Variants in SEPTIN10 observed in about 807,000 individuals in gnomAD.
The protein encoded by SEPTIN10 is septin-10.
SEPTIN10 carries 66 observed loss-of-function variants against 54.8 expected under a neutral mutation model. That is an observed-to-expected ratio of 1.21 (90% confidence interval 0.99 to 1.48). The LOEUF (loss-of-function observed/expected upper bound fraction) is 1.48, where lower values mean the gene tolerates loss of function less well. Among genes scored for constraint, SEPTIN10 ranks in the 40% most tolerant of loss-of-function variants. The pLI is 0.00. For synonymous variants in SEPTIN10, 161 were observed against 181.0 expected (o/e 0.89, Z 0.89); for missense variants, 620 against 545.6 (o/e 1.14, Z -1.36).
intron 10 of SEPTIN10, chr2:109,545,302 G>A: frequency 2.1e-6 from 3 of 1,442,794 alleles, no homozygotes; most frequent in Non-Finnish European, 1.8e-6. Flanking sequence ...ATAAAACAAG[G>A]GACACAAAGT....
chr2:109,611,981 A>T (rs1204845851), intron 1 of SEPTIN10, among the ~76,000 whole-genome samples: 1 of 152,186 alleles, frequency 6.6e-6, no homozygotes, highest in African/African-American at 2.4e-5. Flanking sequence ...ATTCCTGGGC[A>T]TCTATCCCAA....
At chr2:109,581,393 C>T (rs1176477372) in intron 4 of SEPTIN10, among the ~76,000 whole-genome samples, 1 of 151,610 alleles carries the variant, frequency 6.6e-6, no homozygotes, top group Non-Finnish European at 1.5e-5. Flanking sequence ...GCCGAGATTG[C>T]GCCACTGCAC....
At chr2:109,577,547 G>A (rs1187841556) in intron 4 of SEPTIN10, among the ~76,000 whole-genome samples, 19 of 151,088 alleles carry the variant, frequency 1.3e-4, no homozygotes, top group African/African-American at 3.9e-4. Context: ...AGCCGAGATC[G>A]CGCCATTGCA....
intron 2 of SEPTIN10, among the ~76,000 whole-genome samples, chr2:109,592,704 C>T (rs1332151943): frequency 2.7e-5 from 4 of 150,706 alleles, no homozygotes; most frequent in Non-Finnish European, 5.9e-5. Flanking sequence ...CGCTTGAACC[C>T]GGGAGGCAGA....
In SEPTIN10 at chr2:109,553,152, TTTC is replaced by T; in HGVS notation, c.1093_1095del (p.Glu365del). The T allele has an allele frequency of 1.9e-6, 3 of 1,614,162 alleles. No homozygotes were observed. The highest frequency in any genetic ancestry group is 2.5e-6 in the Non-Finnish European group (3 of 1,180,048). On this transcript the variant is annotated inframe_deletion, in exon 9 of 11. Transcript: ENST00000397712. ...ACTCGCTGCACAAACATCTGTTTCATTTCTTCTTCCTTCCTCTGACGTTCACCA... is the reference window on the plus strand; with the variant it reads ...ACTCGCTGCACAAACATCTGTTTCATTTCTTCCTTCCTCTGACGTTCACCA...
intron 5 of SEPTIN10, among the ~76,000 whole-genome samples, chr2:109,572,449 A>G (rs1362993471): frequency 1.3e-5 from 2 of 151,284 alleles, no homozygotes; most frequent in Non-Finnish European, 2.9e-5. Context: ...CCTATTTTAT[A>G]TATGAAAAAT....
At chr2:109,545,982 G>C (rs958451503) in intron 10 of SEPTIN10, 68 bp downstream of exon 10, 23 of 1,508,888 alleles carry the variant, frequency 1.5e-5, no homozygotes, top group Middle Eastern at 5.0e-4. Flanking sequence ...AGAAGCGCTA[G>C]GAAGATCCGA....
chr2:109,584,662 T>C (rs1196554946), intron 4 of SEPTIN10, among the ~76,000 whole-genome samples: 2 of 152,094 alleles, frequency 1.3e-5, no homozygotes, highest in Non-Finnish European at 2.9e-5. Context: ...AAAATATAAA[T>C]TAAAATTTCA....
intron 8 of SEPTIN10, among the ~76,000 whole-genome samples, chr2:109,560,151 A>C (rs1033275598): frequency 3.3e-5 from 5 of 151,894 alleles, no homozygotes; most frequent in Non-Finnish European, 7.4e-5. Flanking sequence ...TGATCTCCTG[A>C]CCTCGTGATC....
chr2:109,560,749 C>T (rs79102913), intron 8 of SEPTIN10, among the ~76,000 whole-genome samples: 3,954 of 152,256 alleles, frequency 0.026, 65 homozygotes, highest in South Asian at 0.075. Context: ...TTCAGCCATA[C>T]CTATCTAGAT....
chr2:109,584,717 T>G (rs1351699470), intron 4 of SEPTIN10, among the ~76,000 whole-genome samples: 1 of 152,168 alleles, frequency 6.6e-6, no homozygotes, highest in Non-Finnish European at 1.5e-5. Flanking sequence ...ACTGGCTAAT[T>G]TGATTATAAT....
At chr2:109,609,458 T>C (rs775670146) in intron 1 of SEPTIN10, among the ~76,000 whole-genome samples, 57 of 151,806 alleles carry the variant, frequency 3.8e-4, no homozygotes, top group African/African-American at 6.3e-4. Flanking sequence ...TACTGCAAGG[T>C]AGCATATGAC....
At chr2:109,593,257 T>C (rs181146724) in intron 1 of SEPTIN10, 138 bp from the exon 2 acceptor site, 18 of 489,366 alleles carry the variant, frequency 3.7e-5, no homozygotes, top group Admixed American at 1.2e-4. Flanking sequence ...GTCTACATTA[T>C]TGAATCGTGT....
At chr2:109,577,307 G>C (rs1199911814) in intron 4 of SEPTIN10, among the ~76,000 whole-genome samples, 1 of 152,126 alleles carries the variant, frequency 6.6e-6, no homozygotes, top group Non-Finnish European at 1.5e-5. Context: ...TTAAAAAATA[G>C]AGAACTCGGC....
At chr2:109,583,140 T>C (rs1220604350) in intron 4 of SEPTIN10, among the ~76,000 whole-genome samples, 2 of 152,094 alleles carry the variant, frequency 1.3e-5, no homozygotes, top group Admixed American at 6.6e-5. Flanking sequence ...GATTAAGTCC[T>C]GAAAAGCAAA....
At chr2:109,546,273 G>T in intron 9 of SEPTIN10, 36 bp from the exon 10 acceptor site, 2 of 1,425,942 alleles carry the variant, frequency 1.4e-6, no homozygotes, top group Non-Finnish European at 9.4e-7. Context: ...TACTGACACA[G>T]CGCGGCAGCA....
At chr2:109,558,514 T>C (rs1202410107) in intron 8 of SEPTIN10, among the ~76,000 whole-genome samples, 1 of 152,182 alleles carries the variant, frequency 6.6e-6, no homozygotes, top group Admixed American at 6.6e-5. Flanking sequence ...AACTTGGGGA[T>C]TTAAAGAGTT....
intron 1 of SEPTIN10, among the ~76,000 whole-genome samples, chr2:109,604,257 T>C (rs1337622417): frequency 1.4e-5 from 2 of 146,592 alleles, no homozygotes; most frequent in Non-Finnish European, 3.0e-5. Flanking sequence ...GACAGGAGAA[T>C]TGCTTGAACC....
At chr2:109,586,152 C>T (rs1692481842) in intron 2 of SEPTIN10, among the ~76,000 whole-genome samples, 1 of 152,090 alleles carries the variant, frequency 6.6e-6, no homozygotes, top group South Asian at 2.1e-4. Flanking sequence ...AAGTTAAAGT[C>T]CATTTGTTTA....
Sources: gnomAD v4.1 joint callset for allele counts (sites outside exome capture counted in the v4.1 genomes callset) on GRCh38, gnomAD v4.1.1 for gene constraint, MANE v1.5 for transcripts, NCBI Gene and HGNC (gene_info 2026-07-23, HGNC 2026-07-21) for gene names.